The following YTHDC2 variants were observed in gnomAD, a reference collection of about 807,000 sequenced individuals.
The protein encoded by YTHDC2 is YTH N6-methyladenosine RNA binding protein C2.
In YTHDC2, 45 loss-of-function variants were observed where a neutral mutation model predicts 174.9. That is an observed-to-expected ratio of 0.26 (90% CI 0.20 to 0.33). The LOEUF (loss-of-function observed/expected upper bound fraction) is 0.33. YTHDC2 is among the 10% of genes least tolerant of loss of function. The pLI, the probability that YTHDC2 is intolerant of heterozygous loss-of-function variation, is 1.00. For missense variants in YTHDC2, 1,650 were observed against 1,723.7 expected (o/e 0.96, Z 0.76); for synonymous variants, 657 against 574.5 (o/e 1.14, Z -2.05).
chr5:113,521,572 A>C (rs1182830021), intron 2 of YTHDC2, among the ~76,000 whole-genome samples: 1 of 151,940 alleles, frequency 6.6e-6, no homozygotes, highest in Non-Finnish European at 1.5e-5. Flanking sequence ...CTCTCCTAAA[A>C]ATACAAAAAT....
At chr5:113,574,844 C>T (rs920748677) in intron 23 of YTHDC2, among the ~76,000 whole-genome samples, 3 of 152,202 alleles carry the variant, frequency 2.0e-5, no homozygotes, top group Non-Finnish European at 2.9e-5. Context: ...GCTGCTCTGC[C>T]AACACTCCAC....
In YTHDC2 at chr5:113,581,700, C is replaced by T. The variant is rs1380416894; in HGVS notation, c.3638C>T (p.Thr1213Ile). The T allele has an allele frequency of 6.5e-7, 1 of 1,537,004 alleles. No individual in the cohort carries two copies. Among genetic ancestry groups the T allele is most frequent in the East Asian group, 2.3e-5 (1 of 42,788 alleles). ...ADTEFSDECT[T>I]AERVLMKSPS... ...ACTGAATTTTCTGATGAGTGTACTA[C>T]TGCAGAAAGGTAAATTTATGACATT... The change falls in exon 25 of 30, where the codon ACT becomes ATT. Residue 1213 changes from threonine to isoleucine, a missense_variant. Physicochemically the swap from Thr to Ile is moderately conservative, Grantham distance 89. Around this residue, in one of 5 missense-constraint regions of YTHDC2, gnomAD observed 913 missense variants for 940.4 expected, o/e 0.97. Transcript: ENST00000161863.
chr5:113,549,313 A>G (rs1403925464), intron 12 of YTHDC2, among the ~76,000 whole-genome samples: 1 of 152,174 alleles, frequency 6.6e-6, no homozygotes, highest in Admixed American at 6.6e-5. Flanking sequence ...ATGAAGCAAT[A>G]TAAAGAAATT....
At chr5:113,553,531 C>A (rs1465475962) in intron 13 of YTHDC2, 59 bp from the exon 14 acceptor site, 6 of 1,557,836 alleles carry the variant, frequency 3.9e-6, no homozygotes, top group East Asian at 2.3e-5. Context: ...TTTTATAATT[C>A]TGTTGATTGC....
chr5:113,567,572 G>T (rs1777430886), intron 22 of YTHDC2, 82 bp from the exon 23 acceptor site: 2 of 1,216,150 alleles, frequency 1.6e-6, no homozygotes, highest in African/African-American at 1.6e-5. Flanking sequence ...ATTTCATTGA[G>T]AGACTTTACA....
intron 2 of YTHDC2, among the ~76,000 whole-genome samples, chr5:113,516,727 A>G (rs1320285920): frequency 1.4e-5 from 1 of 73,504 alleles, no homozygotes; most frequent in Non-Finnish European, 2.4e-5. Flanking sequence ...GCTTACCGGT[A>G]TGTTTTTAGG....
In YTHDC2 at chr5:113,539,160, T is replaced by C. The variant is rs1439620334; in HGVS notation, c.1189T>C (p.Tyr397His). 9 of 1,378,424 alleles carry C rather than the reference T, an allele frequency of 6.5e-6. No individual in the cohort carries two copies. Among genetic ancestry groups the C allele is most frequent in the Non-Finnish European group, 8.8e-6 (9 of 1,023,114 alleles). 85.4% of individuals were successfully genotyped at this position (1,378,424 alleles called of 1,614,324 possible). The change falls in exon 8 of 30, where the codon TAT becomes CAT. Residue 397 changes from tyrosine to histidine, a missense_variant. Physicochemically the swap from Tyr to His is moderately conservative, Grantham distance 83 (BLOSUM62 2). This residue lies in a region of YTHDC2 where 411 missense variants were observed against 380.6 expected (regional missense o/e 1.08). Coordinates refer to ENST00000161863, the MANE Select transcript of YTHDC2 (RefSeq NM_022828.5). Reference protein sequence around the residue: ...TGYTNKEMLKYKKEKQQEEKQ... With the variant: ...TGYTNKEMLKHKKEKQQEEKQ... ...ATATACAAACAAAGAAATGTTAAAA[T>C]ATAAAAAGGAAAAACAGCAAGGTAA...
At chr5:113,578,939 A>T (rs992119861) in intron 23 of YTHDC2, among the ~76,000 whole-genome samples, 3 of 152,024 alleles carry the variant, frequency 2.0e-5, no homozygotes, top group African/African-American at 7.2e-5. Context: ...GTTTTAGCCT[A>T]TATCAATTTC....
In YTHDC2 at chr5:113,532,914, T is replaced by C; in HGVS notation, c.711T>C (p.Asn237=). ...PQFLLDDCFK[N]GIPCRIFCTQ... Reference sequence around the variant, plus strand: ...TCCTTTTAGATGATTGCTTTAAAAATGGTATCCCCTGCCGTATATTTTGTA... The same window carrying C: ...TCCTTTTAGATGATTGCTTTAAAAACGGTATCCCCTGCCGTATATTTTGTA... The change falls in exon 5 of 30, where the codon AAT becomes AAC. Residue 237 remains asparagine, a synonymous_variant. Transcript: ENST00000161863. The C allele has an allele frequency of 6.2e-7, 1 of 1,613,556 alleles. No individual in the cohort carries two copies. The highest frequency in any genetic ancestry group is 8.5e-7 in the Non-Finnish European group (1 of 1,179,744).
At position 113,539,062 on chromosome 5, in the gene YTHDC2, TTTA is replaced by T. The variant is rs1775274814; in HGVS notation, c.1103-6_1103-4del. Reference sequence around the variant, plus strand: ...ATGCAAGTTGAGTATTTAATTTTTTTTTATTATTTAGTACAGGGAAGACCATTT... The same window carrying T: ...ATGCAAGTTGAGTATTTAATTTTTTTTTATTTAGTACAGGGAAGACCATTT... On this transcript the variant is annotated splice_polypyrimidine_tract_variant and intron_variant, in intron 7 of 29. Transcript: ENST00000161863. The T allele has an allele frequency of 7.8e-7, 1 of 1,274,436 alleles. No homozygotes were observed. The highest frequency in any genetic ancestry group is 1.6e-5 in the African/African-American group (1 of 63,328). The allele number at this position is 1,274,436 out of a possible 1,614,324, so 78.9% of individuals were successfully genotyped here. A position where few individuals can be genotyped will look rare whatever the true frequency, so the allele number is the denominator to read the frequency against.
At chr5:113,584,584 C>T in intron 26 of YTHDC2, 105 bp downstream of exon 26, 1 of 1,047,054 alleles carries the variant, frequency 9.6e-7, no homozygotes, top group Non-Finnish European at 1.4e-6. Flanking sequence ...TAATTGTGGC[C>T]TCTTCTAGAT....
At chr5:113,517,446 C>A (rs1773513009) in intron 2 of YTHDC2, 1 of 411,158 alleles carries the variant, frequency 2.4e-6, no homozygotes. Context: ...GACTTCCTGT[C>A]CTTCTCTTCA....
chr5:113,567,060 A>G (rs1009534124), intron 21 of YTHDC2, 32 bp from the exon 22 acceptor site: 26 of 1,596,188 alleles, frequency 1.6e-5, no homozygotes, highest in East Asian at 6.7e-5. Context: ...TTTGCACAAT[A>G]GAAAAATTGG....
At position 113,524,832 on chromosome 5, in the gene YTHDC2, C is replaced by G. The variant is rs1284153326; in HGVS notation, c.279-149C>G. 7.0e-6 allele frequency: 4 copies of G among 567,948 alleles called. No individual in the cohort carries two copies. In the Middle Eastern group the frequency reaches 1.4e-3, roughly 202 times the overall value. The allele number at this position is 567,948 out of a possible 1,614,324, so 35.2% of individuals were successfully genotyped here. A position where few individuals can be genotyped will look rare whatever the true frequency, so the allele number is the denominator to read the frequency against. On this transcript the variant is annotated intron_variant, in intron 2 of 29. Coordinates refer to ENST00000161863, the MANE Select transcript of YTHDC2 (RefSeq NM_022828.5). ...CCACTTTAGCCCAAATCTTTCTTTACTGAATTTTTTTGGACTTTCAGCATC... is the reference window on the plus strand; with the variant it reads ...CCACTTTAGCCCAAATCTTTCTTTAGTGAATTTTTTTGGACTTTCAGCATC...
chr5:113,521,310 G>A (rs1361944821), intron 2 of YTHDC2, among the ~76,000 whole-genome samples: 1 of 152,198 alleles, frequency 6.6e-6, no homozygotes, highest in East Asian at 1.9e-4. Flanking sequence ...TTTGAACACA[G>A]TTAATACTTA....
chr5:113,574,811 A>G (rs934639754), intron 23 of YTHDC2, among the ~76,000 whole-genome samples: 8 of 72,120 alleles, frequency 1.1e-4, no homozygotes, highest in Admixed American at 1.1e-3. Flanking sequence ...TAAAACTCCT[A>G]CGTTTCTGTG....
At chr5:113,526,245 C>T (rs1307595240) in intron 3 of YTHDC2, among the ~76,000 whole-genome samples, 1 of 151,894 alleles carries the variant, frequency 6.6e-6, no homozygotes, top group Non-Finnish European at 1.5e-5. Context: ...TAAAAATCAT[C>T]TAGATTATCA....
rs1037636268 is a variant in YTHDC2, at chr5:113,594,606, A to G, written c.*1132A>G. On this transcript the variant is annotated 3_prime_UTR_variant, in exon 30 of 30. Transcript: ENST00000161863. The stretch of plus-strand genomic sequence containing the variant: ...GCCATCTCAGAATTATCTTTTTACC[A>G]CCACTGTTTATAAAATTTCCTTAGA... 5.9e-5 allele frequency: 9 copies of G among 152,006 alleles called. No homozygotes were observed. The highest frequency in any genetic ancestry group is 2.0e-4 in the Admixed American group (3 of 15,242). The allele number at this position is 152,006 out of a possible 1,614,324, so 9.4% of individuals were successfully genotyped here.
At chr5:113,579,198 T>G (rs1778245484) in intron 23 of YTHDC2, among the ~76,000 whole-genome samples, 2 of 152,126 alleles carry the variant, frequency 1.3e-5, no homozygotes, top group African/African-American at 4.8e-5. Flanking sequence ...TACTTTTTCT[T>G]TTTAAAACTG....
Sources: gnomAD v4.1 joint callset for allele counts (sites outside exome capture counted in the v4.1 genomes callset) on GRCh38, gnomAD v4.1.1 for gene constraint, gnomAD v4.1.1 regional missense constraint, MANE v1.5 for transcripts, NCBI Gene and HGNC (gene_info 2026-07-23, HGNC 2026-07-21) for gene names.